FAM89A: variants seen among roughly 807,000 people sequenced by gnomAD.
FAM89A encodes the protein protein FAM89A.
FAM89A carries 10 observed loss-of-function variants against 7.1 expected under a neutral mutation model. The observed-to-expected ratio is 1.40, with a 90% CI of 0.86 to 2.38. FAM89A has a LOEUF of 2.38. Among genes scored for constraint, FAM89A ranks in the 30% most tolerant of loss-of-function variants. FAM89A has a pLI of 0.00. For synonymous variants in FAM89A, 157 were observed against 129.3 expected (o/e 1.21, Z -1.45); for missense variants, 276 against 262.8 (o/e 1.05, Z -0.35).
chr1:231,024,361 G>A (rs1453723489), intron 1 of FAM89A, among the ~76,000 whole-genome samples: 1 of 152,076 alleles, frequency 6.6e-6, no homozygotes, highest in African/African-American at 2.4e-5. Flanking sequence ...GCTGAGGCCT[G>A]GTAAAAAGTG....
chr1:231,021,629 C>T (rs918665120), intron 1 of FAM89A: 16 of 1,538,460 alleles, frequency 1.0e-5, no homozygotes, highest in South Asian at 9.0e-5. Context: ...AAGAAAGCGT[C>T]GAGGTGGAGC....
intron 1 of FAM89A, among the ~76,000 whole-genome samples, chr1:231,037,283 T>A (rs1006103239): frequency 6.6e-6 from 1 of 152,238 alleles, no homozygotes; most frequent in African/African-American, 2.4e-5. Context: ...GCACTTACAT[T>A]GCACCTAACA....
intron 1 of FAM89A, among the ~76,000 whole-genome samples, chr1:231,027,955 G>A (rs1427056876): frequency 6.6e-6 from 1 of 152,202 alleles, no homozygotes; most frequent in Non-Finnish European, 1.5e-5. Flanking sequence ...TCTCTCTCCT[G>A]ACACAGGACA....
Position 231,039,907 on chromosome 1 carries a change from G to A in FAM89A, c.291+14C>T, listed in dbSNP as rs1247652352. The A allele has an allele frequency of 2.3e-6, 3 of 1,297,048 alleles. No individual in the cohort carries two copies. Among genetic ancestry groups the A allele is most frequent in the Non-Finnish European group, 2.9e-6 (3 of 1,024,466 alleles). The allele number at this position is 1,297,048 out of a possible 1,614,324, so 80.3% of individuals were successfully genotyped here. On this transcript the variant is annotated intron_variant, in intron 1 of 1. Transcript: ENST00000366654. ...CCGGCCGGGAAGAGCCCCAGCTCGCGGAGCCCCACTCACCATCTCTTTGCG... is the reference window on the plus strand; with the variant it reads ...CCGGCCGGGAAGAGCCCCAGCTCGCAGAGCCCCACTCACCATCTCTTTGCG...
chr1:231,032,397 C>G (rs1255086189), intron 1 of FAM89A, among the ~76,000 whole-genome samples: 1 of 130,038 alleles, frequency 7.7e-6, no homozygotes, highest in Non-Finnish European at 1.6e-5. Flanking sequence ...CCCCCACCCC[C>G]CACCCCCAGC....
At chr1:231,029,337 T>A (rs1056908823) in intron 1 of FAM89A, among the ~76,000 whole-genome samples, 7 of 151,782 alleles carry the variant, frequency 4.6e-5, no homozygotes, top group African/African-American at 1.7e-4. Flanking sequence ...AAAAATATTT[T>A]AAAAATTGGC....
At chr1:231,029,755 A>G (rs1320838839) in intron 1 of FAM89A, among the ~76,000 whole-genome samples, 1 of 152,364 alleles carries the variant, frequency 6.6e-6, no homozygotes, top group African/African-American at 2.4e-5. Flanking sequence ...AACAATGAGA[A>G]AACTTTCACA....
chr1:231,024,768 C>G (rs1679934914), intron 1 of FAM89A, among the ~76,000 whole-genome samples: 1 of 152,032 alleles, frequency 6.6e-6, no homozygotes, highest in South Asian at 2.1e-4. Context: ...TCTCAAACTC[C>G]TGGGCTCAAG....
At chr1:231,035,052 T>C (rs1680137873) in intron 1 of FAM89A, among the ~76,000 whole-genome samples, 1 of 152,160 alleles carries the variant, frequency 6.6e-6, no homozygotes, top group African/African-American at 2.4e-5. Context: ...TGGCACTTCA[T>C]AGCCTGACTC....
At chr1:231,021,393 G>A (rs1679874844) in intron 1 of FAM89A, among the ~76,000 whole-genome samples, 2 of 145,886 alleles carry the variant, frequency 1.4e-5, no homozygotes, top group Non-Finnish European at 3.1e-5. Context: ...GGCGGCTGGA[G>A]AAGGAGCTTC....
chr1:231,020,068 G>C lies in FAM89A; in HGVS notation c.350C>G (p.Ser117Trp). Reference protein sequence around the residue: ...LLCQLYSLYESIQEYKGACQA... With the variant: ...LLCQLYSLYEWIQEYKGACQA... Reference sequence around the variant, plus strand: ...GCATGCCCCCTTGTACTCCTGAATCGACTCGTAGAGGCTGTACAGTTGGCA... The same window carrying C: ...GCATGCCCCCTTGTACTCCTGAATCCACTCGTAGAGGCTGTACAGTTGGCA... The change falls in exon 2 of 2, where the codon TCG (serine) becomes TGG (tryptophan). Residue 117 changes from serine to tryptophan, a missense_variant. Transcript: ENST00000366654. The C allele has an allele frequency of 6.2e-7, 1 of 1,614,030 alleles. No homozygotes were observed.
intron 1 of FAM89A, among the ~76,000 whole-genome samples, chr1:231,027,675 G>A (rs1335258720): frequency 6.6e-6 from 1 of 152,206 alleles, no homozygotes; most frequent in Non-Finnish European, 1.5e-5. Flanking sequence ...AGAGGGAGGT[G>A]GAAGATCCGT....
In FAM89A at chr1:231,019,949, C is replaced by T. The variant is rs781270213; in HGVS notation, c.469G>A (p.Asp157Asn). 1.8e-5 allele frequency: 29 copies of T among 1,614,040 alleles called. No homozygotes were observed. The highest frequency in any genetic ancestry group is 1.3e-4 in the African/African-American group (10 of 74,926). The change falls in exon 2 of 2, where the codon GAC becomes AAC. Residue 157 changes from aspartate to asparagine, a missense_variant. Asp to Asn is a conservative substitution (Grantham distance 23). Transcript: ENST00000366654. ...CGAGGAGGGCCTCGGTCCCTCCTGT[C>T]GTGCAGGGAGTTCTGCTCCTGGAAA... ...EYFQEQNSLH[D>N]RRDRGPPRDL...
intron 1 of FAM89A, among the ~76,000 whole-genome samples, chr1:231,025,133 A>G (rs542133216): frequency 1.3e-5 from 2 of 151,538 alleles, no homozygotes; most frequent in East Asian, 4.0e-4. Flanking sequence ...CGTGTTAGCC[A>G]GGATGGTCTT....
At chr1:231,025,192 G>A (rs973691531) in intron 1 of FAM89A, among the ~76,000 whole-genome samples, 1 of 151,656 alleles carries the variant, frequency 6.6e-6, no homozygotes, top group Middle Eastern at 3.5e-3. Context: ...AGAGTGCTGG[G>A]ATTACAGGCG....
rs571948912 is a variant in FAM89A, at chr1:231,040,135, G to A, written c.77C>T (p.Pro26Leu). The A allele has an allele frequency of 1.5e-6, 2 of 1,350,186 alleles. No homozygotes were observed. Among genetic ancestry groups the A allele is most frequent in the Admixed American group, 5.2e-5 (2 of 38,218 alleles). The allele number at this position is 1,350,186 out of a possible 1,614,324, so 83.6% of individuals were successfully genotyped here. ...VRGLRVDGLPPLPKSLSGLLH... is the reference protein window; with the variant it reads ...VRGLRVDGLPLLPKSLSGLLH... ...CAGCCCGCTCAAGCTCTTTGGCAGC[G>A]GGGGCAGCCCGTCCACCCGCAGCCC... The change falls in exon 1 of 2, where the codon CCG becomes CTG. Residue 26 changes from proline to leucine, a missense_variant. Transcript: ENST00000366654.
In FAM89A at chr1:231,040,092, G is replaced by C. The variant is rs750585922; in HGVS notation, c.120C>G (p.Gly40=). The change falls in exon 1 of 2, where the codon GGC becomes GGG. Residue 40 remains glycine, a synonymous_variant. Transcript: ENST00000366654. The part of the protein sequence containing the change: ...SLSGLLHSAS[G]GGASGGWRHL... ...GCCGCCAGCCCCCAGACGCGCCGCCGCCCGACGCCGAGTGCAGCAGCCCGC... is the reference window on the plus strand; with the variant it reads ...GCCGCCAGCCCCCAGACGCGCCGCCCCCCGACGCCGAGTGCAGCAGCCCGC... 2 of 1,438,692 alleles carry C rather than the reference G, an allele frequency of 1.4e-6. No homozygotes were observed. The highest frequency in any genetic ancestry group is 1.8e-6 in the Non-Finnish European group (2 of 1,096,776). The allele number at this position is 1,438,692 out of a possible 1,614,324, so 89.1% of individuals were successfully genotyped here. A position where few individuals can be genotyped will look rare whatever the true frequency, so the allele number is the denominator to read the frequency against.
In FAM89A at chr1:231,020,001, G is replaced by A. The variant is rs772966154; in HGVS notation, c.417C>T (p.Asn139=). 1.2e-5 allele frequency: 19 copies of A among 1,613,942 alleles called. No homozygotes were observed. The Middle Eastern group carries it at 4.9e-4, about 42-fold the overall frequency. Residue 139 remains asparagine, a synonymous_variant, in exon 2 of 2, where the codon AAC becomes AAT. Transcript: ENST00000366654. The part of the protein sequence containing the change: ...SSPDCTYALE[N]GFFDEEEEYF... ...ATTCCTCCTCTTCATCGAAGAAGCC[G>A]TTCTCCAGAGCGTAAGTGCAGTCTG... is the stretch of plus-strand genomic sequence containing the variant.
chr1:231,033,487 C>T (rs1379935013), intron 1 of FAM89A, among the ~76,000 whole-genome samples: 1 of 152,188 alleles, frequency 6.6e-6, no homozygotes, highest in African/African-American at 2.4e-5. Flanking sequence ...CCTAAACATC[C>T]TTGCCCACCT....
Sources: allele counts gnomAD v4.1 joint callset (sites outside exome capture counted in the v4.1 genomes callset), GRCh38; gene constraint gnomAD v4.1.1; transcripts MANE v1.5; gene names NCBI Gene and HGNC (gene_info 2026-07-23, HGNC 2026-07-21).